Variants in LAMA5 observed in about 807,000 individuals in gnomAD.
LAMA5 encodes the protein laminin subunit alpha 5, also known as laminin subunit alpha-5.
In LAMA5, 260 loss-of-function variants were observed where a neutral mutation model predicts 433.4. The observed-to-expected ratio is 0.60, with a 90% CI of 0.54 to 0.66. LAMA5 has a LOEUF of 0.66. Ranked by LOEUF, LAMA5 falls within the 30% of genes least tolerant of loss-of-function variation. The probability of loss-of-function intolerance (pLI) is 0.00; values close to 1 mark genes in which losing one functional copy is unlikely to be tolerated. For synonymous variants in LAMA5, 2,620 were observed against 2,226.6 expected (o/e 1.18, Z -4.97); for missense variants, 5,378 against 5,258.5 (o/e 1.02, Z -0.70).
At chr20:62,343,920 G>A (rs937802372) in intron 11 of LAMA5, among the ~76,000 whole-genome samples, 5 of 149,672 alleles carry the variant, frequency 3.3e-5, no homozygotes, top group South Asian at 2.1e-4. Flanking sequence ...CAAGGCAGGC[G>A]GATTACCTGA....
chr20:62,332,621 C>T lies in LAMA5; in HGVS notation c.3379G>A (p.Ala1127Thr). The change falls in exon 27 of 80, where the codon GCC becomes ACC. Residue 1127 changes from alanine (A) to threonine (T), a missense_variant. Transcript: ENST00000252999. ...NEDARQEVGVAVHTPQRAPQQ... is the reference protein window; with the variant it reads ...NEDARQEVGVTVHTPQRAPQQ... ...GGGGCCCGCTGTGGGGTGTGCACGG[C>T]CACGCCCACCTCCTGGCGGGCATCC... 2 of 1,605,532 alleles carry T rather than the reference C, an allele frequency of 1.2e-6. No homozygotes were observed. The highest frequency in any genetic ancestry group is 1.7e-6 in the Non-Finnish European group (2 of 1,176,436).
chr20:62,334,674 G>A, intron 20 of LAMA5, 53 bp from the exon 21 acceptor site: 3 of 1,464,396 alleles, frequency 2.0e-6, no homozygotes, highest in Non-Finnish European at 2.8e-6. Flanking sequence ...CCCAGCCTCA[G>A]GGGCCCCTCA....
intron 24 of LAMA5, 26 bp from the exon 25 acceptor site, chr20:62,333,507 G>A (rs760077529): frequency 7.5e-6 from 12 of 1,600,882 alleles, no homozygotes; most frequent in Non-Finnish European, 5.1e-6. Flanking sequence ...GGTGCTGAGA[G>A]TGGTGGGCCC....
Position 62,352,056 on chromosome 20 carries a change from T to G in LAMA5, c.711A>C (p.Gly237=). ...NGEIVVSLVN[G]RPGAMNFSYS... ...AGGAGAAATTCATGGCGCCCGGACG[T>G]CCGTTCACCAGGGACACCACGATCT... is the stretch of plus-strand genomic sequence containing the variant. The change falls in exon 5 of 80, where the codon GGA becomes GGC. Residue 237 remains glycine, a synonymous_variant. Transcript: ENST00000252999. 1 of 1,612,120 alleles carries G rather than the reference T, an allele frequency of 6.2e-7. No individual in the cohort carries two copies. The highest frequency in any genetic ancestry group is 8.5e-7 in the Non-Finnish European group (1 of 1,179,866).
chr20:62,334,636 T>G lies in LAMA5; in HGVS notation c.2483-15A>C. 6.5e-7 allele frequency: 1 copy of G among 1,542,040 alleles called. No individual in the cohort carries two copies. The highest frequency in any genetic ancestry group is 8.7e-7 in the Non-Finnish European group (1 of 1,145,290). On this transcript the variant is annotated splice_polypyrimidine_tract_variant and intron_variant, in intron 20 of 79. Transcript: ENST00000252999. ...ACACCGGCAGCCTGCAGGGAGAAGG[T>G]GGGAGGTCAGAGGCTGCCTGGCCCC... is the stretch of plus-strand genomic sequence containing the variant.
Position 62,338,572 on chromosome 20 carries a change from G to A in LAMA5, c.1514C>T (p.Ala505Val). ...TCCCACCCTTGGGTCCTTCCGGCAGGCGTTGCCCTGGGTCCCTGCCGCGCT... is the reference window on the plus strand; with the variant it reads ...TCCCACCCTTGGGTCCTTCCGGCAGACGTTGCCCTGGGTCCCTGCCGCGCT... ...DCSAAGTQGN[A>V]CRKDPRVGRC... Residue 505 changes from alanine (A) to valine (V), a missense_variant, in exon 12 of 80, where the codon GCC (alanine) becomes GTC (valine). By Grantham distance (64) the Ala-to-Val change is moderately conservative (BLOSUM62 0). Coordinates refer to ENST00000252999, the MANE Select transcript of LAMA5 (RefSeq NM_005560.6). 1.9e-6 allele frequency: 3 copies of A among 1,611,258 alleles called. No homozygotes were observed. The highest frequency in any genetic ancestry group is 1.3e-5 in the African/African-American group (1 of 75,040).
In LAMA5 at chr20:62,317,392, G is replaced by A. The variant is rs774129445; in HGVS notation, c.7464C>T (p.Ala2488=). Reference sequence around the variant, plus strand: ...GGCCCAGCTGCTGTGCGTGGGCCTCGGCGGCCTCCACTAGACGCAGCTTGC... The same window carrying A: ...GGCCCAGCTGCTGTGCGTGGGCCTCAGCGGCCTCCACTAGACGCAGCTTGC... ...AGSKLRLVEA[A]EAHAQQLGQL... The change falls in exon 55 of 80, where the codon GCC becomes GCT. Residue 2488 remains alanine, a synonymous_variant. Coordinates refer to ENST00000252999, the MANE Select transcript of LAMA5 (RefSeq NM_005560.6). The A allele has an allele frequency of 1.4e-4, 224 of 1,609,932 alleles. No homozygotes were observed. Among genetic ancestry groups the A allele is most frequent in the Non-Finnish European group, 1.8e-4 (212 of 1,179,134 alleles).
At chr20:62,334,704 G>A (rs1981207906) in intron 20 of LAMA5, 83 bp from the exon 21 acceptor site, 1 of 1,153,838 alleles carries the variant, frequency 8.7e-7, no homozygotes, top group East Asian at 2.6e-5. Flanking sequence ...TGAGAAGCCT[G>A]CCTGGGGCTC....
rs748365286 is a variant in LAMA5, at chr20:62,334,601, C to T, written c.2503G>A (p.Gly835Ser). Residue 835 changes from glycine (G) to serine (S), a missense_variant, in exon 21 of 80, where the codon GGT (glycine) becomes AGT (serine). By Grantham distance (56) the Gly-to-Ser change is moderately conservative. Coordinates refer to ENST00000252999, the MANE Select transcript of LAMA5 (RefSeq NM_005560.6). ...GGTTCACAGCTCTGGCCCAGTGCAC[C>T]GCCAATGTCACACCGGCAGCCTGCA... ...GCRSCRCDIG[G>S]ALGQSCEPRT... 1.0e-5 allele frequency: 16 copies of T among 1,547,672 alleles called. No homozygotes were observed. In the East Asian group the frequency reaches 2.2e-4, roughly 21 times the overall value.
Position 62,313,345 on chromosome 20 carries a change from A to G in LAMA5, c.8774T>C (p.Val2925Ala), listed in dbSNP as rs1383249702. 8 of 1,567,276 alleles carry G rather than the reference A, an allele frequency of 5.1e-6. No individual in the cohort carries two copies. Among genetic ancestry groups the G allele is most frequent in the Non-Finnish European group, 6.1e-6 (7 of 1,156,700 alleles). Residue 2925 changes from valine (V) to alanine (A), a missense_variant, in exon 64 of 80, where the codon GTG becomes GCG. Transcript: ENST00000252999. Reference sequence around the variant, plus strand: ...CACGCACCGGGCACAAGGCCTGTCCACAGCCGTGTCCAGCTGGAAGGTCCT... The same window carrying G: ...CACGCACCGGGCACAAGGCCTGTCCGCAGCCGTGTCCAGCTGGAAGGTCCT... ...FERTFQLDTA[V>A]DRPCARSKST... is the part of the protein sequence containing the mutation.
intron 6 of LAMA5, among the ~76,000 whole-genome samples, chr20:62,347,768 G>A (rs73613567): frequency 6.6e-6 from 1 of 152,220 alleles, no homozygotes; most frequent in African/African-American, 2.4e-5. Flanking sequence ...AGGCTGCAGG[G>A]CCGTGCGTTC....
At chr20:62,330,005 C>G (rs1004648901) in intron 31 of LAMA5, 89 bp from the exon 32 acceptor site, 9 of 1,502,394 alleles carry the variant, frequency 6.0e-6, no homozygotes, top group Non-Finnish European at 8.0e-6. Context: ...TTGGGGCAGC[C>G]AAGGAGTGCC....
chr20:62,317,950 T>G (rs1389622241), intron 53 of LAMA5, among the ~76,000 whole-genome samples, 172 bp from the exon 54 acceptor site: 4 of 15,946 alleles, frequency 2.5e-4, no homozygotes, highest in Admixed American at 7.3e-4. Flanking sequence ...AGGAGGAGGA[T>G]GGAGGGGTAG....
Position 62,319,710 on chromosome 20 carries a change from A to G in LAMA5, c.6845T>C (p.Ile2282Thr). The G allele has an allele frequency of 6.5e-7, 1 of 1,545,932 alleles. No individual in the cohort carries two copies. The highest frequency in any genetic ancestry group is 8.7e-7 in the Non-Finnish European group (1 of 1,146,934). Reference protein sequence around the residue: ...LGHAKTLLAAIRAVDRTLSEL... With the variant: ...LGHAKTLLAATRAVDRTLSEL... ...GCTCAGGGTGCGGTCCACAGCCCGG[A>G]TGGCCGCCAACAGCGTCTTCGCATG... Residue 2282 changes from isoleucine to threonine, a missense_variant, in exon 51 of 80, where the codon ATC becomes ACC. Ile to Thr is a moderately conservative substitution (Grantham distance 89). Transcript: ENST00000252999.
In LAMA5 at chr20:62,329,993, C is replaced by T. The variant is rs111537109; in HGVS notation, c.3980-77G>A. 3,112 of 1,537,748 alleles carry T rather than the reference C, an allele frequency of 2.0e-3. 36 individuals are homozygous for T. In the African/African-American group the frequency reaches 0.029, roughly 14 times the overall value. ...ACACCCAGAGGGTTGAAGATGGCAG[C>T]GTTGGGGCAGCCAAGGAGTGCCCGC... On this transcript the variant is annotated intron_variant, in intron 31 of 79. Transcript: ENST00000252999.
In LAMA5 at chr20:62,351,937, G is replaced by A. The variant is rs759316733; in HGVS notation, c.830C>T (p.Ala277Val). 4.3e-6 allele frequency: 7 copies of A among 1,610,340 alleles called. No homozygotes were observed. The highest frequency in any genetic ancestry group is 2.7e-5 in the African/African-American group (2 of 74,876). ...NTLLGHLMGK[A>V]LRDPTVTRRY... ...GCGGGTGACCGTGGGGTCCCGCAGC[G>A]CCTTCCCCATGAGATGGCCCAGCAG... The change falls in exon 5 of 80, where the codon GCG becomes GTG. Residue 277 changes from alanine (A) to valine (V), a missense_variant. Coordinates refer to ENST00000252999, the MANE Select transcript of LAMA5 (RefSeq NM_005560.6).
At chr20:62,327,072 TGGATACTTGC>T in intron 38 of LAMA5, 106 bp from the exon 39 acceptor site, 2 of 1,107,366 alleles carry the variant, frequency 1.8e-6, no homozygotes, top group Non-Finnish European at 2.6e-6. Flanking sequence ...GTGCTGGGCC[TGGATACTTGC>T]GCTCATTCCC....
chr20:62,311,075 C>G lies in LAMA5; in HGVS notation c.10108G>C (p.Val3370Leu). ...HRNWPSLSMH[V>L]LPRSSRGLLL... is the part of the protein sequence containing the mutation. ...AGGCCTCGGGAGCTTCGCGGGAGGA[C>G]GTGCATGGAGAGACTGGGCCTGGAA... The change falls in exon 74 of 80, where the codon GTC becomes CTC. Residue 3370 changes from valine to leucine, a missense_variant. Val to Leu is a conservative substitution (Grantham distance 32, BLOSUM62 1). Transcript: ENST00000252999. 6.3e-7 allele frequency: 1 copy of G among 1,589,982 alleles called. No individual in the cohort carries two copies. The highest frequency in any genetic ancestry group is 8.6e-7 in the Non-Finnish European group (1 of 1,168,020).
intron 1 of LAMA5, among the ~76,000 whole-genome samples, chr20:62,363,051 G>C (rs889459997): frequency 1.3e-5 from 2 of 152,194 alleles, no homozygotes; most frequent in African/African-American, 4.8e-5. Context: ...GCTCCAGAGA[G>C]GCTTGGACAA....
Sources: allele counts gnomAD v4.1 joint callset (sites outside exome capture counted in the v4.1 genomes callset), GRCh38; gene constraint gnomAD v4.1.1; transcripts MANE v1.5; gene names NCBI Gene and HGNC (gene_info 2026-07-23, HGNC 2026-07-21).